HPS4: variants seen among roughly 807,000 people sequenced by gnomAD.
HPS4 encodes BLOC-3 complex member HPS4.
In HPS4, 44 loss-of-function variants were observed where a neutral mutation model predicts 70.3. The observed-to-expected ratio is 0.63, with a 90% CI of 0.49 to 0.80. The LOEUF (loss-of-function observed/expected upper bound fraction) is 0.80, where lower values mean the gene tolerates loss of function less well. Ranked by LOEUF, HPS4 falls within the 30% of genes least tolerant of loss-of-function variation. The pLI is 0.00. For missense variants in HPS4, 873 were observed against 884.4 expected, an observed-to-expected ratio of 0.99 and a Z score of 0.16; for synonymous variants, 377 against 355.9, an observed-to-expected ratio of 1.06 and a Z score of -0.67.
intron 7 of HPS4, among the ~76,000 whole-genome samples, chr22:26,469,287 A>G (rs1419892457): frequency 2.6e-5 from 4 of 151,142 alleles, no homozygotes; most frequent in Non-Finnish European, 5.9e-5. Flanking sequence ...TCTCTACAAA[A>G]AAAAAAAAAA....
chr22:26,478,663 G>A (rs1286142297), intron 3 of HPS4, among the ~76,000 whole-genome samples: 7 of 150,164 alleles, frequency 4.7e-5, no homozygotes, highest in African/African-American at 1.7e-4. Flanking sequence ...CTCTGTTTTT[G>A]TATATGTTTG....
Position 26,483,777 on chromosome 22 carries a change from C to T in HPS4, c.-582G>A, listed in dbSNP as rs1324129407. The T allele has an allele frequency of 3.5e-5, 26 of 732,980 alleles. No individual in the cohort carries two copies. In the East Asian group the frequency reaches 9.2e-4, roughly 26 times the overall value. The allele number at this position is 732,980 out of a possible 1,614,324, so 45.4% of individuals were successfully genotyped here. A position where few individuals can be genotyped will look rare whatever the true frequency, so the allele number is the denominator to read the frequency against. ...TTCTGCCCCGTACCTGCGCGCGCGG[C>T]AGAGAGGCCTTAGGTCACGCGCCGC... On this transcript the variant is annotated 5_prime_UTR_variant, in exon 1 of 14. Coordinates refer to ENST00000398145, the MANE Select transcript of HPS4 (RefSeq NM_022081.6).
At chr22:26,473,388 A>T (rs1449694332) in intron 4 of HPS4, among the ~76,000 whole-genome samples, 1 of 152,174 alleles carries the variant, frequency 6.6e-6, no homozygotes, top group African/African-American at 2.4e-5. Context: ...CTCCAGCTGG[A>T]TAGAGTGCTT....
At chr22:26,465,036 C>T (rs762775461) in intron 10 of HPS4, among the ~76,000 whole-genome samples, 1 of 152,238 alleles carries the variant, frequency 6.6e-6, no homozygotes, top group Non-Finnish European at 1.5e-5. Flanking sequence ...GACTCACCTA[C>T]TGAAAATGGC....
chr22:26,471,430 C>A (rs1368084141), intron 6 of HPS4: 4 of 455,282 alleles, frequency 8.8e-6, no homozygotes, highest in Non-Finnish European at 1.8e-5. Flanking sequence ...TCAGGAAGAG[C>A]CAGCAATAAC....
At position 26,465,554 on chromosome 22, in the gene HPS4, G is replaced by C. The variant is rs766777074; in HGVS notation, c.707-3C>G. 1.9e-5 allele frequency: 31 copies of C among 1,612,578 alleles called. No homozygotes were observed. Among genetic ancestry groups the C allele is most frequent in the Non-Finnish European group, 2.5e-5 (29 of 1,178,856 alleles). On this transcript the variant is annotated splice_region_variant and splice_polypyrimidine_tract_variant and intron_variant, in intron 9 of 13. Coordinates refer to ENST00000398145, the MANE Select transcript of HPS4 (RefSeq NM_022081.6). ...GACATTCGGGGGCAATGCCGCTCCT[G>C]GAATTGCAAAGCAATATGAACAGGA...
chr22:26,472,796 G>A, intron 5 of HPS4, 36 bp downstream of exon 5: 2 of 1,453,160 alleles, frequency 1.4e-6, no homozygotes, highest in Non-Finnish European at 1.9e-6. Flanking sequence ...TTTATAAAGA[G>A]GCCCAATGTA....
At chr22:26,479,798 G>T in intron 2 of HPS4, 1 of 541,642 alleles carries the variant, frequency 1.8e-6, no homozygotes, top group Non-Finnish European at 2.4e-6. Context: ...AGGAATTCAT[G>T]CATTCACTTA....
chr22:26,472,997 G>A, intron 4 of HPS4, 58 bp from the exon 5 acceptor site: 1 of 1,485,724 alleles, frequency 6.7e-7, no homozygotes, highest in Non-Finnish European at 9.4e-7. Flanking sequence ...TCCAAGCCCA[G>A]AATCCTGGCA....
Position 26,464,384 on chromosome 22 carries a change from G to A in HPS4, c.1246C>T (p.Pro416Ser). The A allele has an allele frequency of 1.2e-6, 2 of 1,614,200 alleles. No individual in the cohort carries two copies. The highest frequency in any genetic ancestry group is 1.3e-5 in the African/African-American group (1 of 75,046). The change falls in exon 11 of 14, where the codon CCT (proline) becomes TCT (serine). Residue 416 changes from proline (P) to serine (S), a missense_variant. By Grantham distance (74) the Pro-to-Ser change is moderately conservative (BLOSUM62 -1). Transcript: ENST00000398145. ...LSASSSLEPT[P>S]PEDTAISSLR... ...CTGCTGATGGCTGTGTCCTCAGGAG[G>A]CGTGGGTTCCAGGCTGCTGGAGGCG... is the stretch of plus-strand genomic sequence containing the variant.
At position 26,457,917 on chromosome 22, in the gene HPS4, C is replaced by G. The variant is rs202222123; in HGVS notation, c.1897G>C (p.Val633Leu). 1 of 1,614,148 alleles carries G rather than the reference C, an allele frequency of 6.2e-7. No homozygotes were observed. Among genetic ancestry groups the G allele is most frequent in the East Asian group, 2.2e-5 (1 of 44,884 alleles). ...TPQDRRFLQA[V>L]SLMHSEFAQL... Reference sequence around the variant, plus strand: ...GCAAATTCGCTATGCATCAGGCTGACGGCCTGGAGGAAGCGGCGATCCTGC... The same window carrying G: ...GCAAATTCGCTATGCATCAGGCTGAGGGCCTGGAGGAAGCGGCGATCCTGC... The change falls in exon 13 of 14, where the codon GTC becomes CTC. Residue 633 changes from valine (V) to leucine (L), a missense_variant. Coordinates refer to ENST00000398145, the MANE Select transcript of HPS4 (RefSeq NM_022081.6).
intron 7 of HPS4, 44 bp from the exon 8 acceptor site, chr22:26,468,667 C>A (rs752272522): frequency 6.4e-7 from 1 of 1,556,972 alleles, no homozygotes; most frequent in Non-Finnish European, 8.9e-7. Context: ...AGACGAAATA[C>A]ACCAAAACAC....
chr22:26,463,846 A>C lies in HPS4; in HGVS notation c.1713+71T>G, dbSNP rs1159838063. 2.0e-6 allele frequency: 3 copies of C among 1,495,622 alleles called. No individual in the cohort carries two copies. In the Admixed American group the frequency reaches 5.1e-5, roughly 25 times the overall value. The allele number at this position is 1,495,622 out of a possible 1,614,324, so 92.6% of individuals were successfully genotyped here. On this transcript the variant is annotated intron_variant, in intron 11 of 13. Coordinates refer to ENST00000398145, the MANE Select transcript of HPS4 (RefSeq NM_022081.6). ...TTATCTCTTCCCTGGGTGTTGGCACAGTGCTGTGAGGGAAGCACAGGAGAT... is the reference window on the plus strand; with the variant it reads ...TTATCTCTTCCCTGGGTGTTGGCACCGTGCTGTGAGGGAAGCACAGGAGAT...
intron 3 of HPS4, 54 bp downstream of exon 3, chr22:26,479,211 A>G (rs952942216): frequency 6.3e-7 from 1 of 1,583,736 alleles, no homozygotes; most frequent in Non-Finnish European, 8.7e-7. Flanking sequence ...TTGAAAAGTC[A>G]CCACTTGGAG....
At chr22:26,448,026 G>C (rs915180607), downstream of HPS4, among the ~76,000 whole-genome samples, 4 of 152,208 alleles carry the variant, frequency 2.6e-5, no homozygotes, top group Non-Finnish European at 5.9e-5. Context: ...GCGGGCAGCT[G>C]ACATGAACAA....
chr22:26,472,270 T>C (rs769196404), intron 6 of HPS4, 32 bp downstream of exon 6: 7 of 1,273,910 alleles, frequency 5.5e-6, no homozygotes, highest in African/African-American at 1.5e-5. Context: ...TAGTCTTACA[T>C]ATAAAATGAA....
chr22:26,472,709 C>T (rs1035478127), intron 5 of HPS4, 123 bp downstream of exon 5: 1 of 860,158 alleles, frequency 1.2e-6, no homozygotes, highest in African/African-American at 1.7e-5. Context: ...AGCTCCTGAC[C>T]TTGTCCCCAG....
downstream of HPS4, among the ~76,000 whole-genome samples, chr22:26,448,199 G>A (rs1414331910): frequency 1.3e-5 from 2 of 152,198 alleles, no homozygotes; most frequent in African/African-American, 4.8e-5. Context: ...CCTGTGCTGG[G>A]AGGCCATTTG....
chr22:26,453,469 A>T, intron 13 of HPS4, 65 bp from the exon 14 acceptor site: 1 of 1,567,800 alleles, frequency 6.4e-7, no homozygotes, highest in Non-Finnish European at 8.8e-7. Context: ...CCACACAGAG[A>T]CCTCAGTAAG....
Sources: gnomAD v4.1 joint callset for allele counts (sites outside exome capture counted in the v4.1 genomes callset) on GRCh38, gnomAD v4.1.1 for gene constraint, MANE v1.5 for transcripts, NCBI Gene and HGNC (gene_info 2026-07-23, HGNC 2026-07-21) for gene names.